Variants in RIPOR2 observed in about 807,000 individuals in gnomAD.
RIPOR2 encodes rho family-interacting cell polarization regulator 2.
RIPOR2 carries 39 observed loss-of-function variants against 114.5 expected under a neutral mutation model. The observed-to-expected ratio is 0.34, with a 90% confidence interval of 0.26 to 0.44. The LOEUF (loss-of-function observed/expected upper bound fraction) is 0.44. Among genes scored for constraint, RIPOR2 ranks in the 20% least tolerant of loss-of-function variants. RIPOR2 has a pLI of 1.00. For synonymous variants in RIPOR2, 445 were observed against 484.4 expected (o/e 0.92, Z 1.07); for missense variants, 1,007 against 1,255.1 (o/e 0.80, Z 2.99).
Position 24,860,834 on chromosome 6 carries a change from T to A in RIPOR2, c.715+139A>T. On this transcript the variant is annotated intron_variant, in intron 8 of 21. Transcript: ENST00000643898. ...CAGGATGAGAAGCATCAGTAAACTA[T>A]CAAAAGTGGGGTGGGTTGAGAGTGG... The A allele has an allele frequency of 5.1e-6, 3 of 592,176 alleles. No individual in the cohort carries two copies. The South Asian group carries it at 6.4e-5, about 13-fold the overall frequency. 36.7% of individuals were successfully genotyped at this position (592,176 alleles called of 1,614,324 possible).
chr6:24,856,903 T>C lies in RIPOR2; in HGVS notation c.715+4070A>G, dbSNP rs59512071. On this transcript the variant is annotated intron_variant, in intron 8 of 21. Coordinates refer to ENST00000643898, the MANE Select transcript of RIPOR2 (RefSeq NM_001286445.3). ...AGGGGAAATCCTTTGAAGGTGTTTT[T>C]CCCCCCCCTTTAAAATTACCAGAAA... 6.8e-3 allele frequency among the ~76,000 whole-genome samples: 1,030 copies of C among 150,838 alleles called. 7 individuals are homozygous for C. The highest frequency in any genetic ancestry group is 9.5e-3 in the Non-Finnish European group (641 of 67,740).
At chr6:25,011,261 G>A (rs1355400826) in intron 1 of RIPOR2, among the ~76,000 whole-genome samples, 1 of 152,104 alleles carries the variant, frequency 6.6e-6, no homozygotes, top group East Asian at 1.9e-4. Flanking sequence ...ATATGTATAT[G>A]TACATGTAGG....
At chr6:25,012,010 A>T (rs1775792518) in intron 1 of RIPOR2, among the ~76,000 whole-genome samples, 2 of 152,218 alleles carry the variant, frequency 1.3e-5, no homozygotes, top group Non-Finnish European at 2.9e-5. Context: ...TCCAGAACAT[A>T]TAGAGAACTC....
chr6:24,895,130 G>A (rs1297173047), intron 1 of RIPOR2, among the ~76,000 whole-genome samples: 1 of 152,140 alleles, frequency 6.6e-6, no homozygotes, highest in African/African-American at 2.4e-5. Context: ...TCGGGTCACT[G>A]CAACCTCCGC....
Position 24,805,470 on chromosome 6 carries a change from T to G in RIPOR2, c.*903A>C, listed in dbSNP as rs1425571963. The G allele has an allele frequency of 6.6e-6, 1 of 151,958 alleles. No individual in the cohort carries two copies. The highest frequency in any genetic ancestry group is 6.6e-5 in the Admixed American group (1 of 15,260). The allele number at this position is 151,958 out of a possible 1,614,324, so 9.4% of individuals were successfully genotyped here. On this transcript the variant is annotated 3_prime_UTR_variant, in exon 22 of 22. Transcript: ENST00000643898. ...GTGCAGTAGTGTAATCTCAGCTTAC[T>G]GCAACCTCTGCCTCAAGTGATCCTC...
chr6:25,017,961 G>C (rs755259193), intron 1 of RIPOR2, among the ~76,000 whole-genome samples: 40 of 152,196 alleles, frequency 2.6e-4, no homozygotes, highest in Non-Finnish European at 1.6e-4. Context: ...ACACGTTTCT[G>C]CTTAAAATCT....
rs1394408117 is a variant in RIPOR2 at position 24,825,273 on chromosome 6, T to A, written c.2821A>T (p.Thr941Ser). The A allele has an allele frequency of 6.4e-7, 1 of 1,551,610 alleles. No individual in the cohort carries two copies. The highest frequency in any genetic ancestry group is 2.0e-5 in the Admixed American group (1 of 51,006). Residue 941 changes from threonine to serine, a missense_variant, in exon 19 of 22, where the codon ACG becomes TCG. Thr to Ser is a moderately conservative substitution (Grantham distance 58). Transcript: ENST00000643898. ...REDNEVSEAV[T>S]LYLAAASKNQ... ...TTGGAGGCTGCTGCCAAGTAAAGCG[T>A]CACAGCCTCACTAACTTCGTTGTCC...
intron 1 of RIPOR2, chr6:24,876,885 A>G (rs1765826383): frequency 1.2e-6 from 1 of 807,808 alleles, no homozygotes; most frequent in South Asian, 5.6e-5. Context: ...AGTTCCCCCA[A>G]AGGATGACCC....
intron 1 of RIPOR2, among the ~76,000 whole-genome samples, chr6:25,000,894 G>A (rs1157436913): frequency 6.6e-6 from 1 of 152,108 alleles, no homozygotes; most frequent in African/African-American, 2.4e-5. Flanking sequence ...AAGTGGAGGA[G>A]GCAAAGAACA....
intron 1 of RIPOR2, among the ~76,000 whole-genome samples, chr6:25,007,531 C>A (rs940777586): frequency 6.6e-6 from 1 of 152,154 alleles, no homozygotes; most frequent in Non-Finnish European, 1.5e-5. Flanking sequence ...AAGATATGAT[C>A]AAATGAAGTT....
upstream of RIPOR2, chr6:24,936,179 C>G (rs1771795959): frequency 3.3e-6 from 1 of 304,680 alleles, no homozygotes; most frequent in South Asian, 8.7e-5. Context: ...CACTCAAAGT[C>G]TGAATGCAAT....
intron 21 of RIPOR2, among the ~76,000 whole-genome samples, chr6:24,808,661 T>C (rs1452621898): frequency 2.0e-5 from 3 of 152,126 alleles, no homozygotes; most frequent in Admixed American, 1.3e-4. Flanking sequence ...AGCTGCAGTA[T>C]TGATTGGATT....
rs181107219 is a variant in RIPOR2, at chr6:24,954,831, G to A, written c.77-79014C>T. On this transcript the variant is annotated intron_variant, in intron 1 of 13. Coordinates refer to the RIPOR2 transcript ENST00000510784. ...ATTAATAACGTATTCTCATTCCCAA[G>A]AGTCCTAGCATTGATAATAAAATGT... 4.1e-4 allele frequency among the ~76,000 whole-genome samples: 62 copies of A among 152,232 alleles called. No homozygotes were observed. The South Asian group carries it at 7.3e-3, about 18-fold the overall frequency.
At chr6:24,908,417 G>A (rs932494) in intron 1 of RIPOR2, among the ~76,000 whole-genome samples, 78,304 of 152,138 alleles carry the variant, frequency 0.51, 23,161 homozygotes, top group African/African-American at 0.82. Flanking sequence ...AAAACCTGAA[G>A]TCTGTGCTAT....
chr6:24,923,511 T>G (rs1485439402), intron 1 of RIPOR2, among the ~76,000 whole-genome samples: 1 of 152,138 alleles, frequency 6.6e-6, no homozygotes, highest in Non-Finnish European at 1.5e-5. Context: ...GTTTCCTAAC[T>G]CTTTTCAATA....
At chr6:24,986,214 A>G (rs1275451564) in intron 1 of RIPOR2, among the ~76,000 whole-genome samples, 1 of 152,210 alleles carries the variant, frequency 6.6e-6, no homozygotes, top group East Asian at 1.9e-4. Flanking sequence ...AGGTATTATT[A>G]TTATAATTCC....
At chr6:25,023,198 T>G in intron 1 of RIPOR2, 1 of 628,930 alleles carries the variant, frequency 1.6e-6, no homozygotes, top group East Asian at 3.7e-5. Context: ...GCGCCTGTAC[T>G]TGGGGGATCT....
At chr6:24,924,630 T>G (rs1770730414) in intron 1 of RIPOR2, among the ~76,000 whole-genome samples, 1 of 152,202 alleles carries the variant, frequency 6.6e-6, no homozygotes. Context: ...TAATGACAGA[T>G]ATTCTCTTTA....
At chr6:24,840,606 C>T (rs1761614881) in intron 13 of RIPOR2, 2 of 1,509,774 alleles carry the variant, frequency 1.3e-6, no homozygotes, top group South Asian at 1.2e-5. Context: ...TTTCTTAGCG[C>T]AAGGTAGGAA....
Sources: allele counts gnomAD v4.1 joint callset (sites outside exome capture counted in the v4.1 genomes callset), GRCh38; gene constraint gnomAD v4.1.1; transcripts MANE v1.5; gene names NCBI Gene and HGNC (gene_info 2026-07-23, HGNC 2026-07-21).